The following UAP1 variants were observed in gnomAD, a reference collection of about 807,000 sequenced individuals.
UAP1 encodes UDP-N-acetylglucosamine pyrophosphorylase 1.
In UAP1, 25 loss-of-function variants were observed where a neutral mutation model predicts 58.5. The ratio of observed to expected loss-of-function variants is 0.43; its 90% CI spans 0.31 to 0.60. The LOEUF (loss-of-function observed/expected upper bound fraction) is 0.60. UAP1 is among the 20% of genes least tolerant of loss of function. UAP1 has a pLI of 0.11. For synonymous variants in UAP1, 208 were observed against 213.0 expected (o/e 0.98, Z 0.21); for missense variants, 575 against 630.0 (o/e 0.91, Z 0.93).
intron 8 of UAP1, among the ~76,000 whole-genome samples, chr1:162,591,169 C>T (rs893260014): frequency 6.6e-6 from 1 of 152,134 alleles, no homozygotes; most frequent in Admixed American, 6.5e-5. Context: ...TTGTGATCCA[C>T]CCGCCTTGGC....
At chr1:162,566,573 TCTG>T (rs1049516718) in intron 2 of UAP1, among the ~76,000 whole-genome samples, 1 of 152,146 alleles carries the variant, frequency 6.6e-6, no homozygotes, top group African/African-American at 2.4e-5. Context: ...TTTCCATACT[TCTG>T]CTAGATTTCT....
In UAP1 at chr1:162,585,040, C is replaced by T. The variant is rs571724674; in HGVS notation, c.835-2435C>T. On this transcript the variant is annotated intron_variant, in intron 5 of 10. Coordinates refer to ENST00000271469, the Ensembl canonical transcript of UAP1. ...CAAGTGATCCTCCTGCTCAGCCTCC[C>T]AAGTAGCTGGGATTACAGGCATGTG... Among the ~76,000 whole-genome samples the T allele has an allele frequency of 2.6e-5, 4 of 152,216 alleles. No homozygotes were observed. In the East Asian group the frequency reaches 7.7e-4, roughly 29 times the overall value.
chr1:162,595,490 C>T (rs143841170), intron 9 of UAP1, among the ~76,000 whole-genome samples: 3 of 152,114 alleles, frequency 2.0e-5, no homozygotes, highest in African/African-American at 7.2e-5. Flanking sequence ...TGGACTAGAC[C>T]TCTTGAGCTC....
intron 5 of UAP1, among the ~76,000 whole-genome samples, chr1:162,586,524 C>T (rs1310263484): frequency 6.6e-6 from 1 of 152,158 alleles, no homozygotes; most frequent in Admixed American, 6.5e-5. Context: ...GCCAGGGTTT[C>T]ACCTTGTTGC....
At chr1:162,567,315 A>G (rs941196751) in intron 2 of UAP1, among the ~76,000 whole-genome samples, 1 of 152,258 alleles carries the variant, frequency 6.6e-6, no homozygotes, top group African/African-American at 2.4e-5. Context: ...CTTGAAGAAC[A>G]GCCCATGTAC....
At chr1:162,576,686 T>G in intron 2 of UAP1, 91 bp from the exon 3 acceptor site, 1 of 1,251,896 alleles carries the variant, frequency 8.0e-7, no homozygotes, top group Non-Finnish European at 1.1e-6. Context: ...CCTTACTTCC[T>G]TTTTGATGAG....
chr1:162,580,490 A>C (rs1202029836), intron 4 of UAP1, among the ~76,000 whole-genome samples: 1 of 152,198 alleles, frequency 6.6e-6, no homozygotes, highest in Non-Finnish European at 1.5e-5. Flanking sequence ...CTGTGTAGCC[A>C]CATTCAGTGA....
chr1:162,571,862 T>G (rs927220109), intron 2 of UAP1, among the ~76,000 whole-genome samples: 4 of 152,220 alleles, frequency 2.6e-5, no homozygotes, highest in African/African-American at 9.6e-5. Context: ...CTTCAGCCAG[T>G]GTACACACAA....
chr1:162,599,305 A>G, exon 11 of UAP1: 2 of 1,612,678 alleles, frequency 1.2e-6, no homozygotes, highest in Non-Finnish European at 1.7e-6. Context: ...AAAGAATTCC[A>G]TGCACCTCTA....
At chr1:162,565,966 T>C in intron 1 of UAP1, 46 bp from the exon 2 acceptor site, 1 of 1,285,316 alleles carries the variant, frequency 7.8e-7, no homozygotes, top group South Asian at 1.5e-5. Flanking sequence ...GCCCTCAATT[T>C]TGGAGGTTGG....
At chr1:162,571,092 C>CTT (rs201314469) in intron 2 of UAP1, among the ~76,000 whole-genome samples, 7 of 124,450 alleles carry the variant, frequency 5.6e-5, no homozygotes, top group Non-Finnish European at 8.8e-5. Flanking sequence ...GTCTGGCTTT[C>CTT]TTTTTTTTTT....
chr1:162,577,870 A>G (rs904857868), intron 3 of UAP1, among the ~76,000 whole-genome samples: 7 of 151,896 alleles, frequency 4.6e-5, no homozygotes, highest in African/African-American at 1.7e-4. Flanking sequence ...TCAGCATCTC[A>G]AAGTGCTGAG....
rs773270499 is a variant in UAP1 at position 162,576,995 on chromosome 1, CATT to C, written c.485+18_485+20del. The stretch of plus-strand genomic sequence containing the variant: ...CATTATTCCATGGTAAGATACGTCT[CATT>C]ATTGGAGTGTGTCTGAACATATATT... On this transcript the variant is annotated intron_variant, in intron 3 of 10. Transcript: ENST00000271469. 3.1e-6 allele frequency: 5 copies of C among 1,611,092 alleles called. No individual in the cohort carries two copies. Among genetic ancestry groups the C allele is most frequent in the African/African-American group, 1.3e-5 (1 of 74,954 alleles).
intron 9 of UAP1, among the ~76,000 whole-genome samples, chr1:162,594,231 T>C (rs1049345477): frequency 6.6e-6 from 1 of 152,288 alleles, no homozygotes; most frequent in East Asian, 1.9e-4. Flanking sequence ...GTGGTCCCAT[T>C]TGGGGATGAT....
intron 9 of UAP1, among the ~76,000 whole-genome samples, chr1:162,595,861 A>G (rs1479795842): frequency 6.6e-6 from 1 of 151,978 alleles, no homozygotes; most frequent in Non-Finnish European, 1.5e-5. Flanking sequence ...TATTGTTATT[A>G]TTATTTTTGA....
chr1:162,592,092 G>C (rs918637161), intron 8 of UAP1, among the ~76,000 whole-genome samples: 1 of 152,160 alleles, frequency 6.6e-6, no homozygotes, highest in Non-Finnish European at 1.5e-5. Flanking sequence ...CTGCAAGAAT[G>C]CCTCAATAAA....
Position 162,597,445 on chromosome 1 carries a change from C to T in UAP1, c.1410-347C>T, listed in dbSNP as rs541959998. The T allele has an allele frequency of 7.2e-5, 14 of 194,270 alleles. No individual in the cohort carries two copies. In the East Asian group the frequency reaches 1.9e-3, roughly 26 times the overall value. 12.0% of individuals were successfully genotyped at this position (194,270 alleles called of 1,614,324 possible). On this transcript the variant is annotated intron_variant, in intron 9 of 10. Coordinates refer to ENST00000271469, the Ensembl canonical transcript of UAP1. Reference sequence around the variant, plus strand: ...TCAGAGCACCTAGCATTGGGCTTGGCATATAGTATATACCTAGTAAGTAGT... The same window carrying T: ...TCAGAGCACCTAGCATTGGGCTTGGTATATAGTATATACCTAGTAAGTAGT...
chr1:162,597,030 A>G (rs1655659142), intron 9 of UAP1, among the ~76,000 whole-genome samples: 1 of 152,232 alleles, frequency 6.6e-6, no homozygotes, highest in African/African-American at 2.4e-5. Context: ...TAGCTCTTTA[A>G]AAAGGGACTT....
intron 1 of UAP1, among the ~76,000 whole-genome samples, chr1:162,565,304 T>C (rs1415126169): frequency 6.6e-6 from 1 of 152,210 alleles, no homozygotes; most frequent in Non-Finnish European, 1.5e-5. Context: ...CACTATGAAG[T>C]TTAACATTTT....
Sources: gnomAD v4.1 joint callset for allele counts (sites outside exome capture counted in the v4.1 genomes callset) on GRCh38, gnomAD v4.1.1 for gene constraint, MANE v1.5 for transcripts, NCBI Gene and HGNC (gene_info 2026-07-23, HGNC 2026-07-21) for gene names.